The following NPSR1 variants were observed in gnomAD, a reference collection of about 807,000 sequenced individuals.
The protein encoded by NPSR1 is neuropeptide S receptor 1.
Under a neutral mutation model 46.9 loss-of-function variants are expected in NPSR1, and 48 were observed. That is an observed-to-expected ratio of 1.02 (90% CI 0.81 to 1.30). NPSR1 has a LOEUF of 1.30. NPSR1 is among the 50% of genes most tolerant of loss of function. NPSR1 has a pLI of 0.00. For synonymous variants in NPSR1, 176 were observed against 168.1 expected (o/e 1.05, Z -0.36); for missense variants, 450 against 449.5 (o/e 1.00, Z -0.01).
chr7:34,719,848 A>T (rs1299191841), intron 2 of NPSR1: 1 of 152,138 alleles, frequency 6.6e-6, no homozygotes, highest in Non-Finnish European at 1.5e-5. Flanking sequence ...ATTATGGAAA[A>T]CCACCAGTGA....
At chr7:34,844,723 A>G (rs1790685892) in intron 6 of NPSR1, among the ~76,000 whole-genome samples, 173 bp from the exon 7 acceptor site, 1 of 152,248 alleles carries the variant, frequency 6.6e-6, no homozygotes, top group African/African-American at 2.4e-5. Context: ...CATTCTCCAG[A>G]AACCAGCCCA....
chr7:34,847,867 C>T (rs2128764819), intron 7 of NPSR1, among the ~76,000 whole-genome samples: 1 of 152,328 alleles, frequency 6.6e-6, no homozygotes, highest in South Asian at 2.1e-4. Flanking sequence ...TGAATCCCCA[C>T]CTTTCATCCA....
chr7:34,671,100 G>A (rs1792028323), intron 1 of NPSR1, among the ~76,000 whole-genome samples: 1 of 152,024 alleles, frequency 6.6e-6, no homozygotes, highest in Non-Finnish European at 1.5e-5. Flanking sequence ...ATAAAATTGT[G>A]ATATAACCAT....
intron 1 of NPSR1, among the ~76,000 whole-genome samples, chr7:34,659,799 T>C (rs1213344541): frequency 6.6e-6 from 1 of 152,154 alleles, no homozygotes. Flanking sequence ...TAATCCCCTT[T>C]ATGAAATCAG....
rs34273640 is a variant in NPSR1 at position 34,750,267 on chromosome 7, G to A, written c.281-28195G>A. 9.3e-3 allele frequency: 6,227 copies of A among 672,084 alleles called. 71 individuals carry two copies. Among genetic ancestry groups the A allele is most frequent in the Middle Eastern group, 0.035 (91 of 2,566 alleles). 41.6% of individuals were successfully genotyped at this position (672,084 alleles called of 1,614,324 possible). On this transcript the variant is annotated intron_variant, in intron 2 of 8. Transcript: ENST00000360581. Reference sequence around the variant, plus strand: ...ATGACTTCTCAGGATCTGTGCCTGCGAGCTGATGCTCTGAGAATGGGGGTT... The same window carrying A: ...ATGACTTCTCAGGATCTGTGCCTGCAAGCTGATGCTCTGAGAATGGGGGTT...
chr7:34,779,634 G>A lies in NPSR1; in HGVS notation c.384+1069G>A, dbSNP rs1414738957. On this transcript the variant is annotated intron_variant, in intron 3 of 8. Coordinates refer to ENST00000360581, the MANE Select transcript of NPSR1 (RefSeq NM_207172.2). ...CTCTGAATATAACCTTGAAAGTTTG[G>A]TATGTCTGAAAGAGCCTTTTCTATT... is the stretch of plus-strand genomic sequence containing the variant. 3.4e-6 allele frequency: 4 copies of A among 1,191,962 alleles called. No individual in the cohort carries two copies. The East Asian group carries it at 9.8e-5, about 29-fold the overall frequency. The allele number at this position is 1,191,962 out of a possible 1,614,324, so 73.8% of individuals were successfully genotyped here. A position where few individuals can be genotyped will look rare whatever the true frequency, so the allele number is the denominator to read the frequency against.
At chr7:34,724,595 C>G (rs564144815) in intron 2 of NPSR1, among the ~76,000 whole-genome samples, 1 of 152,156 alleles carries the variant, frequency 6.6e-6, no homozygotes, top group East Asian at 1.9e-4. Context: ...TGGGACTATG[C>G]TTTGAGAATC....
At chr7:34,687,660 G>T (rs1793005921) in intron 2 of NPSR1, among the ~76,000 whole-genome samples, 1 of 152,132 alleles carries the variant, frequency 6.6e-6, no homozygotes, top group Non-Finnish European at 1.5e-5. Flanking sequence ...ACACATGGGG[G>T]TTATTACAAT....
chr7:34,716,579 A>G (rs939225786), intron 2 of NPSR1, among the ~76,000 whole-genome samples: 2 of 152,218 alleles, frequency 1.3e-5, no homozygotes, highest in Admixed American at 6.5e-5. Flanking sequence ...GGTTAGTATG[A>G]AAATTACAGT....
In NPSR1 at chr7:34,849,755, C is replaced by A; in HGVS notation, c.*100C>A. On this transcript the variant is annotated 3_prime_UTR_variant, in exon 9 of 9. Coordinates refer to ENST00000360581, the MANE Select transcript of NPSR1 (RefSeq NM_207172.2). The stretch of plus-strand genomic sequence containing the variant: ...CATGGAACCCGAGCCAACTTCACCC[C>A]ACCCTCGTCATTACCTGGGAGATGC... The A allele has an allele frequency of 6.4e-7, 1 of 1,562,282 alleles. No homozygotes were observed.
chr7:34,663,957 C>T (rs575507757), intron 1 of NPSR1, among the ~76,000 whole-genome samples: 1 of 152,348 alleles, frequency 6.6e-6, no homozygotes, highest in East Asian at 1.9e-4. Context: ...GACAGTGTAT[C>T]AAAGAAGTGG....
intron 3 of NPSR1, among the ~76,000 whole-genome samples, chr7:34,794,628 C>A (rs1047372156): frequency 1.3e-5 from 2 of 151,988 alleles, no homozygotes; most frequent in African/African-American, 2.4e-5. Flanking sequence ...AAAACTACAC[C>A]AAGTCTCTAC....
chr7:34,679,481 GT>G (rs1198599324), intron 1 of NPSR1, among the ~76,000 whole-genome samples: 3 of 145,744 alleles, frequency 2.1e-5, no homozygotes, highest in Non-Finnish European at 3.1e-5. Flanking sequence ...GAAAAGAACA[GT>G]AAGCCCTCAC....
In NPSR1 at chr7:34,706,762, T is replaced by C. The variant is rs151049806; in HGVS notation, c.280+22078T>C. 3.4e-3 allele frequency among the ~76,000 whole-genome samples: 522 copies of C among 152,290 alleles called. 2 individuals carry two copies. The highest frequency in any genetic ancestry group is 0.012 in the African/African-American group (508 of 41,550). Reference sequence around the variant, plus strand: ...TCTTGAGCTAAAGTTTTTTTGAATATATATTCTTTTTCTGATATTTTTGTG... The same window carrying C: ...TCTTGAGCTAAAGTTTTTTTGAATACATATTCTTTTTCTGATATTTTTGTG... On this transcript the variant is annotated intron_variant, in intron 2 of 8. Coordinates refer to ENST00000360581, the MANE Select transcript of NPSR1 (RefSeq NM_207172.2).
At chr7:34,781,816 T>C (rs324987) in intron 3 of NPSR1, among the ~76,000 whole-genome samples, 71,749 of 151,950 alleles carry the variant, frequency 0.47, 17,298 homozygotes, top group East Asian at 0.54. Flanking sequence ...GTTTTTAACA[T>C]CACAGCCAGC....
intron 3 of NPSR1, among the ~76,000 whole-genome samples, chr7:34,791,123 A>ATATATGTTATATATTATATATAATATGT (rs1290411400): frequency 1.1e-5 from 1 of 90,170 alleles, no homozygotes; most frequent in Non-Finnish European, 2.0e-5. Flanking sequence ...ATAATATAAT[A>ATATATGTTATATATTATATATAATATGT]TATATGTTAT....
intron 8 of NPSR1, among the ~76,000 whole-genome samples, chr7:34,873,984 C>G (rs553977680): frequency 1.5e-4 from 23 of 151,630 alleles, no homozygotes; most frequent in South Asian, 2.1e-4. Context: ...CAACTCATAC[C>G]TGTAAGGGCC....
intron 4 of NPSR1, among the ~76,000 whole-genome samples, chr7:34,821,997 G>T (rs1562755266): frequency 6.6e-6 from 1 of 152,266 alleles, no homozygotes; most frequent in Middle Eastern, 3.4e-3. Flanking sequence ...GCCAAGGAAA[G>T]AAGCCATCCA....
At chr7:34,727,500 T>C (rs1013171186) in intron 2 of NPSR1, among the ~76,000 whole-genome samples, 1 of 152,244 alleles carries the variant, frequency 6.6e-6, no homozygotes, top group Non-Finnish European at 1.5e-5. Flanking sequence ...GTATGTACAA[T>C]GTGTGTATAG....
Sources: allele counts gnomAD v4.1 joint callset (sites outside exome capture counted in the v4.1 genomes callset), GRCh38; gene constraint gnomAD v4.1.1; transcripts MANE v1.5; gene names NCBI Gene and HGNC (gene_info 2026-07-23, HGNC 2026-07-21).